Variants in PPP1R16B observed in about 807,000 individuals in gnomAD.
PPP1R16B encodes protein phosphatase 1 regulatory subunit 16B, also known as protein phosphatase 1 regulatory inhibitor subunit 16B.
PPP1R16B carries 14 observed loss-of-function variants against 61.7 expected under a neutral mutation model. The observed-to-expected ratio is 0.23, with a 90% CI of 0.15 to 0.35. The LOEUF is 0.35. PPP1R16B is among the 10% of genes least tolerant of loss of function. The pLI, the probability that PPP1R16B is intolerant of heterozygous loss-of-function variation, is 1.00. For missense variants in PPP1R16B, 547 were observed against 752.5 expected, an observed-to-expected ratio of 0.73 and a Z score of 3.19; for synonymous variants, 266 against 305.3, an observed-to-expected ratio of 0.87 and a Z score of 1.34.
chr20:38,835,643 T>C (rs1375960062), intron 1 of PPP1R16B, among the ~76,000 whole-genome samples, 182 bp from the exon 2 acceptor site: 2 of 152,278 alleles, frequency 1.3e-5, no homozygotes, highest in Non-Finnish European at 2.9e-5. Flanking sequence ...GGCTGCTGCA[T>C]TAGGCAGCAT....
intron 2 of PPP1R16B, among the ~76,000 whole-genome samples, chr20:38,883,481 A>G (rs1440256804): frequency 6.6e-6 from 1 of 152,246 alleles, no homozygotes; most frequent in Non-Finnish European, 1.5e-5. Context: ...CCCAGATTCC[A>G]GCCAGATTGC....
At chr20:38,913,824 G>A (rs28578430) in intron 10 of PPP1R16B, among the ~76,000 whole-genome samples, 25,940 of 152,168 alleles carry the variant, frequency 0.17, 2,441 homozygotes, top group East Asian at 0.31. Context: ...CTGCATTGCA[G>A]TGCTTGTTTA....
At chr20:38,903,207 C>G (rs1221470565) in intron 6 of PPP1R16B, among the ~76,000 whole-genome samples, 1 of 152,162 alleles carries the variant, frequency 6.6e-6, no homozygotes, top group African/African-American at 2.4e-5. Flanking sequence ...GGTCGGAGAC[C>G]TGGCTCCCAC....
chr20:38,811,600 G>T (rs2084701078), intron 1 of PPP1R16B, among the ~76,000 whole-genome samples: 1 of 152,116 alleles, frequency 6.6e-6, no homozygotes, highest in Non-Finnish European at 1.5e-5. Flanking sequence ...TGATTATATG[G>T]TTATATGTGA....
At chr20:38,838,553 G>C (rs1272202161) in intron 2 of PPP1R16B, 1 of 152,342 alleles carries the variant, frequency 6.6e-6, no homozygotes, top group African/African-American at 2.4e-5. Context: ...CTTGGGCTTG[G>C]GGACATGGCC....
chr20:38,853,728 G>A (rs934702672), intron 2 of PPP1R16B, among the ~76,000 whole-genome samples: 3 of 152,160 alleles, frequency 2.0e-5, no homozygotes, highest in African/African-American at 7.2e-5. Flanking sequence ...GGTCTTCCCT[G>A]GGCAGTTCTT....
intron 7 of PPP1R16B, 75 bp from the exon 8 acceptor site, chr20:38,906,904 T>C (rs988752362): frequency 4.8e-5 from 62 of 1,279,948 alleles, no homozygotes; most frequent in Middle Eastern, 4.2e-4. Flanking sequence ...CTAAGAGGCC[T>C]TGGGCACTCT....
chr20:38,918,731 G>A lies in PPP1R16B; in HGVS notation c.*65G>A, dbSNP rs4812336. On this transcript the variant is annotated 3_prime_UTR_variant, in exon 11 of 11. Transcript: ENST00000299824. The surrounding 1 kb of genome is among the most constrained non-coding windows in gnomAD (Gnocchi z 5.3). ...TCCTGGAATCCAGGCCAGCCCAACA[G>A]CCCTGGCTGGGGAGGTGTCAGGGCA... 0.31 allele frequency: 446,274 copies of A among 1,453,698 alleles called. 69,427 individuals are homozygous for A. Among genetic ancestry groups the A allele is most frequent in the Middle Eastern group, 0.39 (1,639 of 4,220 alleles). The allele number at this position is 1,453,698 out of a possible 1,614,324, so 90.0% of individuals were successfully genotyped here.
chr20:38,851,611 G>A (rs2084969508), intron 2 of PPP1R16B, among the ~76,000 whole-genome samples: 1 of 152,220 alleles, frequency 6.6e-6, no homozygotes, highest in Non-Finnish European at 1.5e-5. Context: ...GCTGGCATTG[G>A]TTGTTCAGTG....
intron 6 of PPP1R16B, 127 bp downstream of exon 6, chr20:38,902,919 G>A: frequency 7.0e-7 from 1 of 1,430,816 alleles, no homozygotes; most frequent in Non-Finnish European, 9.4e-7. Context: ...AATCCTTTTG[G>A]GCCAGGATTG....
At chr20:38,809,877 A>AGGCT (rs890025063) in intron 1 of PPP1R16B, among the ~76,000 whole-genome samples, 32 of 147,660 alleles carry the variant, frequency 2.2e-4, no homozygotes, top group Non-Finnish European at 4.8e-4. Context: ...GCTACTTGGA[A>AGGCT]GGCTGAGGTG....
At chr20:38,902,609 C>T in intron 5 of PPP1R16B, 59 bp from the exon 6 acceptor site, 1 of 1,608,462 alleles carries the variant, frequency 6.2e-7, no homozygotes. Context: ...CTGCCTTCCC[C>T]TGCCCTCTGG....
At chr20:38,896,085 TTTCTGCCTTTCTTCTGTCTCCCCTC>T in intron 4 of PPP1R16B, among the ~76,000 whole-genome samples, 1 of 108,368 alleles carries the variant, frequency 9.2e-6, no homozygotes, top group Non-Finnish European at 1.8e-5. Context: ...CCTTCCTCCC[TTTCTGCCTTTCTTCTGTCTCCCCTC>T]CCTTCCTTCT....
At chr20:38,850,967 CA>C (rs11381856) in intron 2 of PPP1R16B, among the ~76,000 whole-genome samples, 67 of 136,676 alleles carry the variant, frequency 4.9e-4, no homozygotes, top group Non-Finnish European at 3.9e-4. Flanking sequence ...GACTCCATCT[CA>C]AAAAAAAAAA....
At chr20:38,827,553 G>A (rs1175985751) in intron 1 of PPP1R16B, among the ~76,000 whole-genome samples, 1 of 152,234 alleles carries the variant, frequency 6.6e-6, no homozygotes, top group African/African-American at 2.4e-5. Flanking sequence ...GAGAATTGGA[G>A]TTACGGAGTT....
At position 38,860,978 on chromosome 20, in the gene PPP1R16B, T is replaced by G. The variant is rs532261191; in HGVS notation, c.250+24803T>G. On this transcript the variant is annotated intron_variant, in intron 2 of 10. Transcript: ENST00000299824. Reference sequence around the variant, plus strand: ...CATGCTCTTCCTCCCACTGGGAGTATCCGTGTTCTCCTCCAGTAGTGCCCA... The same window carrying G: ...CATGCTCTTCCTCCCACTGGGAGTAGCCGTGTTCTCCTCCAGTAGTGCCCA... 1.4e-3 allele frequency among the ~76,000 whole-genome samples: 211 copies of G among 152,244 alleles called. 1 individual carries two copies. Among genetic ancestry groups the G allele is most frequent in the African/African-American group, 4.9e-3 (205 of 41,534 alleles).
chr20:38,883,556 G>A (rs2085219089), intron 2 of PPP1R16B, among the ~76,000 whole-genome samples: 2 of 152,192 alleles, frequency 1.3e-5, no homozygotes, highest in African/African-American at 2.4e-5. Context: ...TGAGGAGGGC[G>A]GGAGCCACCT....
rs1295778441 is a variant in PPP1R16B, at chr20:38,919,758, C to T, written c.*1092C>T. 6 of 152,336 alleles carry T rather than the reference C, an allele frequency of 3.9e-5. 1 individual carries two copies. The highest frequency in any genetic ancestry group is 1.4e-4 in the African/African-American group (6 of 41,556). The allele number at this position is 152,336 out of a possible 1,614,324, so 9.4% of individuals were successfully genotyped here. A position where few individuals can be genotyped will look rare whatever the true frequency, so the allele number is the denominator to read the frequency against. On this transcript the variant is annotated 3_prime_UTR_variant, in exon 11 of 11. Transcript: ENST00000299824. ...GCACCCTGGGGTCTTTGTGAATATCCAGACTGTTTCAGCCCAGCCCATCTC... is the reference window on the plus strand; with the variant it reads ...GCACCCTGGGGTCTTTGTGAATATCTAGACTGTTTCAGCCCAGCCCATCTC...
At chr20:38,879,191 G>T (rs1394366449) in intron 2 of PPP1R16B, among the ~76,000 whole-genome samples, 1 of 152,160 alleles carries the variant, frequency 6.6e-6, no homozygotes, top group Non-Finnish European at 1.5e-5. Context: ...TTCCAAGTTC[G>T]TGTTTCTGGA....
Sources: allele counts gnomAD v4.1 joint callset (sites outside exome capture counted in the v4.1 genomes callset), GRCh38; gene constraint gnomAD v4.1.1; non-coding constraint Gnocchi (gnomAD v3.1); transcripts MANE v1.5; gene names NCBI Gene and HGNC (gene_info 2026-07-23, HGNC 2026-07-21).